The following RXFP2 variants were observed in gnomAD, a reference collection of about 807,000 sequenced individuals.
RXFP2 encodes relaxin family peptide receptor 2, also known as relaxin receptor 2.
RXFP2 carries 68 observed loss-of-function variants against 88.6 expected under a neutral mutation model. That is an observed-to-expected ratio of 0.77 (90% CI 0.63 to 0.94). The LOEUF (loss-of-function observed/expected upper bound fraction) is 0.94. RXFP2 is among the 40% of genes least tolerant of loss of function. The pLI, the probability that RXFP2 is intolerant of heterozygous loss-of-function variation, is 0.00. For synonymous variants in RXFP2, 329 were observed against 306.8 expected, an observed-to-expected ratio of 1.07 and a Z score of -0.76; for missense variants, 791 against 893.9, an observed-to-expected ratio of 0.88 and a Z score of 1.47.
At chr13:31,743,763 T>A (rs1196460706) in intron 1 of RXFP2, among the ~76,000 whole-genome samples, 1 of 151,972 alleles carries the variant, frequency 6.6e-6, no homozygotes, top group Non-Finnish European at 1.5e-5. Context: ...CCCATCCCTA[T>A]CTTCTTGCTG....
chr13:31,775,182 C>T (rs1425800940), intron 6 of RXFP2, 136 bp from the exon 7 acceptor site: 7 of 755,460 alleles, frequency 9.3e-6, no homozygotes, highest in Non-Finnish European at 1.6e-5. Flanking sequence ...AATTTGCCCC[C>T]TCTGCTCATT....
chr13:31,760,884 T>C (rs771343752), intron 2 of RXFP2, among the ~76,000 whole-genome samples: 10 of 152,184 alleles, frequency 6.6e-5, no homozygotes, highest in Admixed American at 1.3e-4. Flanking sequence ...GGCAAATAAA[T>C]TACATTTACA....
At chr13:31,749,972 T>C (rs1871592804) in intron 1 of RXFP2, among the ~76,000 whole-genome samples, 1 of 152,162 alleles carries the variant, frequency 6.6e-6, no homozygotes, top group African/African-American at 2.4e-5. Flanking sequence ...TCATATGCTG[T>C]GGGGTTTTAT....
intron 17 of RXFP2, among the ~76,000 whole-genome samples, chr13:31,801,053 G>A (rs1480030449): frequency 6.6e-6 from 1 of 151,992 alleles, no homozygotes. Flanking sequence ...AAATGGAAAA[G>A]GAAGAAGACA....
chr13:31,757,072 T>C (rs935774635), intron 1 of RXFP2, among the ~76,000 whole-genome samples: 7 of 152,360 alleles, frequency 4.6e-5, no homozygotes, highest in Admixed American at 4.6e-4. Context: ...TCCATAGATA[T>C]AATACTTTTG....
intron 17 of RXFP2, among the ~76,000 whole-genome samples, chr13:31,798,861 G>T (rs571654045): frequency 3.3e-5 from 5 of 151,986 alleles, no homozygotes; most frequent in African/African-American, 9.7e-5. Context: ...ATCCTCCAAG[G>T]CTCAACCCAA....
chr13:31,744,415 G>C (rs1051305804), intron 1 of RXFP2, among the ~76,000 whole-genome samples: 1 of 152,128 alleles, frequency 6.6e-6, no homozygotes, highest in Admixed American at 6.5e-5. Context: ...AGGTCAGTAG[G>C]AAACTATATA....
At chr13:31,786,305 TG>T in intron 11 of RXFP2, 77 bp from the exon 12 acceptor site, 1 of 997,048 alleles carries the variant, frequency 1.0e-6, no homozygotes, top group Non-Finnish European at 1.6e-6. Flanking sequence ...TCAAATGGGA[TG>T]ATGATAATTG....
At chr13:31,746,935 T>C (rs1049770232) in intron 1 of RXFP2, among the ~76,000 whole-genome samples, 6 of 152,210 alleles carry the variant, frequency 3.9e-5, no homozygotes. Context: ...AGATGATAGT[T>C]ATGTAAACTT....
At chr13:31,800,742 T>C (rs1566240429) in intron 17 of RXFP2, among the ~76,000 whole-genome samples, 1 of 152,170 alleles carries the variant, frequency 6.6e-6, no homozygotes, top group African/African-American at 2.4e-5. Flanking sequence ...TCTGTGAGAT[T>C]GGGGTGGGAT....
At chr13:31,790,537 G>A (rs1232023365) in intron 14 of RXFP2, among the ~76,000 whole-genome samples, 1 of 152,170 alleles carries the variant, frequency 6.6e-6, no homozygotes, top group Non-Finnish European at 1.5e-5. Flanking sequence ...GCTGATCCAA[G>A]AAGTATTTGT....
At chr13:31,759,371 G>T (rs1233769555) in intron 2 of RXFP2, among the ~76,000 whole-genome samples, 1 of 14,632 alleles carries the variant, frequency 6.8e-5, no homozygotes, top group Non-Finnish European at 1.6e-4. Context: ...ATGACATTTG[G>T]ATTGAGAAAG....
At chr13:31,800,786 A>T (rs1874293257) in intron 17 of RXFP2, among the ~76,000 whole-genome samples, 1 of 152,172 alleles carries the variant, frequency 6.6e-6, no homozygotes, top group Admixed American at 6.5e-5. Context: ...GGCACAACAG[A>T]AAAAGGCCAC....
rs115212277 is a variant in RXFP2, at chr13:31,752,776, G to A, written c.95-5482G>A. ...TTCTCCTTGGCTTCTCAGTGGAGCCGCCCGGGACAGTGCTGCTGCCCCCCT... is the reference window on the plus strand; with the variant it reads ...TTCTCCTTGGCTTCTCAGTGGAGCCACCCGGGACAGTGCTGCTGCCCCCCT... On this transcript the variant is annotated intron_variant, in intron 1 of 17. Coordinates refer to ENST00000298386, the MANE Select transcript of RXFP2 (RefSeq NM_130806.5). Among the ~76,000 whole-genome samples, 623 of 152,278 alleles carry A rather than the reference G, an allele frequency of 4.1e-3. 6 individuals carry two copies. Among genetic ancestry groups the A allele is most frequent in the African/African-American group, 0.015 (609 of 41,556 alleles).
chr13:31,782,759 C>T lies in RXFP2; in HGVS notation c.929+12C>T, dbSNP rs373379172. ...AATTTAGGAGAACTGTAAGTAGCATCGTCTACTAGGAAAATATGATTGCTT... is the reference window on the plus strand; with the variant it reads ...AATTTAGGAGAACTGTAAGTAGCATTGTCTACTAGGAAAATATGATTGCTT... On this transcript the variant is annotated intron_variant, in intron 11 of 17. Coordinates refer to ENST00000298386, the MANE Select transcript of RXFP2 (RefSeq NM_130806.5). 1.4e-4 allele frequency: 205 copies of T among 1,491,266 alleles called. No individual in the cohort carries two copies. The highest frequency in any genetic ancestry group is 1.9e-4 in the Non-Finnish European group (200 of 1,068,686). The allele number at this position is 1,491,266 out of a possible 1,614,324, so 92.4% of individuals were successfully genotyped here.
chr13:31,780,376 CCTT>C (rs67854861), intron 9 of RXFP2, among the ~76,000 whole-genome samples: 51,251 of 151,872 alleles, frequency 0.34, 8,815 homozygotes, highest in East Asian at 0.5. Context: ...ACCAAAGTGT[CCTT>C]CTTCGGAGAA....
Position 31,756,147 on chromosome 13 carries a change from C to T in RXFP2, c.95-2111C>T, listed in dbSNP as rs557565406. Reference sequence around the variant, plus strand: ...CTAAACTCCAACCCCTGCCCTTTAACAAATGACATCATTTGTTAATGAGAG... The same window carrying T: ...CTAAACTCCAACCCCTGCCCTTTAATAAATGACATCATTTGTTAATGAGAG... On this transcript the variant is annotated intron_variant, in intron 1 of 17. Transcript: ENST00000298386. 3.3e-5 allele frequency among the ~76,000 whole-genome samples: 5 copies of T among 152,284 alleles called. No individual in the cohort carries two copies. In the South Asian group the frequency reaches 8.3e-4, roughly 25 times the overall value.
In RXFP2 at chr13:31,775,406, T is replaced by A. The variant is rs1299498950; in HGVS notation, c.641+17T>A. On this transcript the variant is annotated intron_variant, in intron 7 of 17. Coordinates refer to ENST00000298386, the MANE Select transcript of RXFP2 (RefSeq NM_130806.5). ...AACTTGGCTGTAAGTACTCTAATTC[T>A]TCTTTCTCCCATAGAGGATCATAGT... The A allele has an allele frequency of 6.4e-7, 1 of 1,552,724 alleles. No homozygotes were observed.
chr13:31,739,583 T>C lies in RXFP2; in HGVS notation c.-30T>C, dbSNP rs1342074880. ...GAACTCCTGCTGAGGTATAAGAGGA[T>C]ACGTCTAATAACTCAATTGCTGTAA... On this transcript the variant is annotated 5_prime_UTR_variant, in exon 1 of 18. Transcript: ENST00000298386. 2.2e-6 allele frequency: 3 copies of C among 1,375,496 alleles called. No individual in the cohort carries two copies. Among genetic ancestry groups the C allele is most frequent in the Non-Finnish European group, 3.1e-6 (3 of 962,658 alleles). The allele number at this position is 1,375,496 out of a possible 1,614,324, so 85.2% of individuals were successfully genotyped here. A position where few individuals can be genotyped will look rare whatever the true frequency, so the allele number is the denominator to read the frequency against.
Sources: gnomAD v4.1 joint callset for allele counts (sites outside exome capture counted in the v4.1 genomes callset) on GRCh38, gnomAD v4.1.1 for gene constraint, MANE v1.5 for transcripts, NCBI Gene and HGNC (gene_info 2026-07-23, HGNC 2026-07-21) for gene names.